The following NLRP2 variants were observed in gnomAD, a reference collection of about 807,000 sequenced individuals.
NLRP2 encodes NACHT, LRR and PYD domains-containing protein 2.
Under a neutral mutation model 97.2 loss-of-function variants are expected in NLRP2, and 107 were observed. The ratio of observed to expected loss-of-function variants is 1.10; its 90% confidence interval spans 0.94 to 1.29. The LOEUF (loss-of-function observed/expected upper bound fraction) is 1.29, where lower values mean the gene tolerates loss of function less well. NLRP2 is among the 50% of genes most tolerant of loss of function. The pLI is 0.00. For missense variants in NLRP2, 1,495 were observed against 1,330.3 expected (o/e 1.12, Z -1.93); for synonymous variants, 663 against 551.5 (o/e 1.20, Z -2.83).
At chr19:54,998,489 C>T (rs1025271664) in intron 12 of NLRP2, among the ~76,000 whole-genome samples, 11 of 151,692 alleles carry the variant, frequency 7.3e-5, no homozygotes, top group Admixed American at 5.9e-4. Context: ...GCCTAAGATA[C>T]TTTGTAAGTC....
intron 12 of NLRP2, among the ~76,000 whole-genome samples, chr19:54,999,401 C>A (rs1379353511): frequency 1.3e-5 from 2 of 152,180 alleles, no homozygotes; most frequent in Non-Finnish European, 2.9e-5. Context: ...CCTGCCTCAG[C>A]CTCCCAAAGT....
At position 54,983,640 on chromosome 19, in the gene NLRP2, CGA is replaced by C; in HGVS notation, c.1943_1944del (p.Arg648GlnfsTer22). 1.2e-6 allele frequency: 2 copies of C among 1,614,114 alleles called. No homozygotes were observed. Among genetic ancestry groups the C allele is most frequent in the Non-Finnish European group, 1.7e-6 (2 of 1,180,036 alleles). On this transcript the variant is annotated frameshift_variant, in exon 6 of 13. Transcript: ENST00000448584. LOFTEE classifies it high-confidence loss of function. ...ATCTTCATTCTGCGTCAAGCACTGT[CGA>C]AACCTGCAGAAAATGTCACTGCAGG... ...VPSSFCVKHC[R>X]NLQKMSLQVI...
intron 3 of NLRP2, among the ~76,000 whole-genome samples, chr19:54,976,371 A>C (rs1325792538): frequency 6.6e-6 from 1 of 151,078 alleles, no homozygotes; most frequent in Non-Finnish European, 1.5e-5. Flanking sequence ...ACCTTTTTTG[A>C]GACAGAGTCT....
chr19:54,994,023 A>T (rs2072655590), intron 10 of NLRP2: 1 of 594,988 alleles, frequency 1.7e-6, no homozygotes, highest in Admixed American at 2.9e-5. Flanking sequence ...ATAAACCAGG[A>T]TATAAACCAT....
intron 4 of NLRP2, among the ~76,000 whole-genome samples, chr19:54,979,099 C>T (rs2071418900): frequency 6.6e-6 from 1 of 151,808 alleles, no homozygotes; most frequent in South Asian, 2.1e-4. Context: ...GTCTTCCTGC[C>T]ACAGCCTCCC....
At chr19:54,999,026 C>A (rs565361961) in intron 12 of NLRP2, among the ~76,000 whole-genome samples, 4 of 92,784 alleles carry the variant, frequency 4.3e-5, no homozygotes, top group South Asian at 5.8e-4. Flanking sequence ...CTGACCCCCC[C>A]ACCTCCCTCC....
intron 1 of NLRP2, among the ~76,000 whole-genome samples, chr19:54,969,503 A>G (rs2070708025): frequency 6.6e-6 from 1 of 151,706 alleles, no homozygotes; most frequent in African/African-American, 2.4e-5. Context: ...AAAAATACAA[A>G]AAGTAGCTGA....
chr19:54,993,727 T>TAC (rs150769161), intron 10 of NLRP2: 12 of 95,836 alleles, frequency 1.3e-4, no homozygotes, highest in Non-Finnish European at 1.9e-4. Flanking sequence ...CGCATGTGTG[T>TAC]ACACACACAC....
At chr19:54,969,456 T>A (rs1191696513) in intron 1 of NLRP2, among the ~76,000 whole-genome samples, 6 of 124,300 alleles carry the variant, frequency 4.8e-5, no homozygotes, top group Non-Finnish European at 9.6e-5. Flanking sequence ...CCAGCCAGGG[T>A]GACAAAGTGA....
chr19:54,996,982 A>G (rs2072862655), intron 11 of NLRP2, among the ~76,000 whole-genome samples: 1 of 151,986 alleles, frequency 6.6e-6, no homozygotes, highest in South Asian at 2.1e-4. Flanking sequence ...ATCTCGGCTC[A>G]CTGCAACCTC....
At chr19:54,985,448 C>A (rs1257742471) in intron 7 of NLRP2, among the ~76,000 whole-genome samples, 1 of 152,042 alleles carries the variant, frequency 6.6e-6, no homozygotes, top group Non-Finnish European at 1.5e-5. Flanking sequence ...GAGGCCGAGG[C>A]AGACAGATCA....
intron 6 of NLRP2, among the ~76,000 whole-genome samples, chr19:54,984,012 G>A (rs11672325): frequency 0.2 from 29,740 of 152,010 alleles, 3,432 homozygotes; most frequent in Non-Finnish European, 0.27. Flanking sequence ...CACCTTGCCC[G>A]GCTAATTTTT....
rs142051959 is a variant in NLRP2, at chr19:54,997,735, G to A, written c.3050+248G>A. ...CTCCCAAAGTGCTGGGATTACAGGCGTGAGCAACCGCACCCGGCCACCTTT... is the reference window on the plus strand; with the variant it reads ...CTCCCAAAGTGCTGGGATTACAGGCATGAGCAACCGCACCCGGCCACCTTT... On this transcript the variant is annotated intron_variant, in intron 12 of 12. Coordinates refer to ENST00000448584, the MANE Select transcript of NLRP2 (RefSeq NM_017852.5). Among the ~76,000 whole-genome samples, 1,243 of 151,384 alleles carry A rather than the reference G, an allele frequency of 8.2e-3. 15 individuals are homozygous for A. The highest frequency in any genetic ancestry group is 0.029 in the African/African-American group (1,194 of 41,278).
chr19:54,994,525 C>G lies in NLRP2; in HGVS notation c.2879+86C>G, dbSNP rs73609925. The G allele has an allele frequency of 2.9e-3, 4,059 of 1,404,140 alleles. 85 individuals carry two copies. The African/African-American group carries it at 0.049, about 17-fold the overall frequency. 87.0% of individuals were successfully genotyped at this position (1,404,140 alleles called of 1,614,324 possible). A position where few individuals can be genotyped will look rare whatever the true frequency, so the allele number is the denominator to read the frequency against. The stretch of plus-strand genomic sequence containing the variant: ...TAAAATAATCAGTGAAGCCGACTTC[C>G]CAAGTTATATAATTGAGAGGACCTT... On this transcript the variant is annotated intron_variant, in intron 11 of 12. Coordinates refer to ENST00000448584, the MANE Select transcript of NLRP2 (RefSeq NM_017852.5).
chr19:54,975,455 A>AT (rs34340544), intron 3 of NLRP2, among the ~76,000 whole-genome samples: 1,632 of 132,478 alleles, frequency 0.012, 62 homozygotes, highest in South Asian at 0.032. Flanking sequence ...GATTATTATT[A>AT]TTTTTTTTTT....
intron 11 of NLRP2, 56 bp from the exon 12 acceptor site, chr19:54,997,261 G>A (rs574617679): frequency 7.6e-6 from 12 of 1,586,684 alleles, no homozygotes; most frequent in South Asian, 2.2e-5. Flanking sequence ...TTGGCTTGCC[G>A]GAGGGCATCG....
chr19:54,970,537 C>T (rs1307129929), intron 2 of NLRP2, among the ~76,000 whole-genome samples: 2 of 151,946 alleles, frequency 1.3e-5, no homozygotes, highest in Non-Finnish European at 2.9e-5. Flanking sequence ...CACCTGTAAT[C>T]CCAGCTACTC....
chr19:54,994,186 C>A, intron 10 of NLRP2, 83 bp from the exon 11 acceptor site: 1 of 1,435,000 alleles, frequency 7.0e-7, no homozygotes, highest in South Asian at 1.1e-5. Flanking sequence ...TGTGTCTAAC[C>A]CACGGCTCAA....
chr19:54,978,630 G>T (rs1326033120), intron 4 of NLRP2, among the ~76,000 whole-genome samples: 2 of 151,886 alleles, frequency 1.3e-5, no homozygotes, highest in Admixed American at 6.6e-5. Flanking sequence ...GGCTGAGGCG[G>T]GTGGATCAAG....
Sources: gnomAD v4.1 joint callset for allele counts (sites outside exome capture counted in the v4.1 genomes callset) on GRCh38, gnomAD v4.1.1 for gene constraint, MANE v1.5 for transcripts, NCBI Gene and HGNC (gene_info 2026-07-23, HGNC 2026-07-21) for gene names.